Variants in RBFOX1 observed in about 807,000 individuals in gnomAD.
RBFOX1 encodes RNA binding fox-1 homolog 1, also known as RNA binding protein fox-1 homolog 1.
A neutral mutation model predicts 57.7 loss-of-function variants in RBFOX1; 8 were observed. The observed-to-expected ratio is 0.14, with a 90% CI of 0.08 to 0.25. RBFOX1 has a LOEUF of 0.25. RBFOX1 is among the 10% of genes least tolerant of loss of function. The probability of loss-of-function intolerance (pLI) is 1.00; values close to 1 mark genes in which losing one functional copy is unlikely to be tolerated. For synonymous variants in RBFOX1, 326 were observed against 222.4 expected, an observed-to-expected ratio of 1.47 and a Z score of -4.15; for missense variants, 611 against 548.5, an observed-to-expected ratio of 1.11 and a Z score of -1.14.
chr16:6,736,111 A>G (rs1477258396), intron 3 of RBFOX1, among the ~76,000 whole-genome samples: 1 of 152,074 alleles, frequency 6.6e-6, no homozygotes, highest in Non-Finnish European at 1.5e-5. Flanking sequence ...CCATCCAAGG[A>G]GACATAAATA....
chr16:5,299,977 C>T (rs1026715527), intron 1 of RBFOX1, among the ~76,000 whole-genome samples: 1 of 150,532 alleles, frequency 6.6e-6, no homozygotes, highest in Non-Finnish European at 1.5e-5. Context: ...TTCCTAGTTT[C>T]CTGAGGGTTT....
chr16:5,792,328 T>C (rs990354434), intron 3 of RBFOX1, among the ~76,000 whole-genome samples: 3 of 152,146 alleles, frequency 2.0e-5, no homozygotes, highest in East Asian at 1.9e-4. Flanking sequence ...CAGCTACATA[T>C]ACAGTTGACT....
In RBFOX1 at chr16:7,474,243, C is replaced by T. The variant is rs562851443; in HGVS notation, c.28-43904C>T. Among the ~76,000 whole-genome samples the T allele has an allele frequency of 1.8e-4, 27 of 152,218 alleles. No individual in the cohort carries two copies. The South Asian group carries it at 4.4e-3, about 25-fold the overall frequency. ...CGGAAGTTGCAGTGAGCCGAGATCG[C>T]GCCATTGCACTCCAGCCTGGGTGAC... is the stretch of plus-strand genomic sequence containing the variant. On this transcript the variant is annotated intron_variant, in intron 4 of 15. Coordinates refer to ENST00000550418, the MANE Select transcript of RBFOX1 (RefSeq NM_018723.4).
chr16:6,806,907 C>T (rs1008419974), intron 3 of RBFOX1, among the ~76,000 whole-genome samples: 2 of 145,840 alleles, frequency 1.4e-5, no homozygotes, highest in African/African-American at 5.1e-5. Context: ...GATCTCAGCT[C>T]ACTGCAAACT....
intron 3 of RBFOX1, among the ~76,000 whole-genome samples, chr16:6,682,091 A>T (rs1464069066): frequency 1.3e-5 from 2 of 152,188 alleles, no homozygotes; most frequent in Non-Finnish European, 2.9e-5. Context: ...ACAAAATGTC[A>T]CGATTCTTTT....
chr16:7,236,740 G>T (rs763137973), intron 4 of RBFOX1, among the ~76,000 whole-genome samples: 1 of 151,922 alleles, frequency 6.6e-6, no homozygotes, highest in Non-Finnish European at 1.5e-5. Context: ...CCAGCCTTCA[G>T]TGGCCTGAAT....
At chr16:5,340,012 G>A (rs986867962) in intron 1 of RBFOX1, among the ~76,000 whole-genome samples, 3 of 152,152 alleles carry the variant, frequency 2.0e-5, no homozygotes, top group South Asian at 2.1e-4. Flanking sequence ...TAAGTGGTTC[G>A]TTCTCCCAGT....
intron 4 of RBFOX1, among the ~76,000 whole-genome samples, chr16:7,056,804 C>T (rs2052445936): frequency 6.6e-6 from 1 of 152,118 alleles, no homozygotes; most frequent in Non-Finnish European, 1.5e-5. Flanking sequence ...CTGCCAGATT[C>T]TGTTCTGTGG....
At chr16:6,956,152 A>G (rs917967617) in intron 3 of RBFOX1, among the ~76,000 whole-genome samples, 4 of 152,154 alleles carry the variant, frequency 2.6e-5, no homozygotes, top group African/African-American at 9.7e-5. Context: ...CAGATTGCTA[A>G]GTCTGGGAAA....
At chr16:7,510,497 G>A (rs2074749305) in intron 4 of RBFOX1, among the ~76,000 whole-genome samples, 1 of 151,022 alleles carries the variant, frequency 6.6e-6, no homozygotes, top group South Asian at 2.1e-4. Context: ...CTGTGTGTGT[G>A]TGTGTGTGTG....
intron 11 of RBFOX1, 106 bp from the exon 12 acceptor site, chr16:7,653,709 G>T: frequency 6.6e-7 from 1 of 1,511,224 alleles, no homozygotes; most frequent in Non-Finnish European, 8.9e-7. Context: ...CGGGGGTCCT[G>T]CTGGGACCCT....
chr16:5,816,564 G>T (rs1047042667), intron 3 of RBFOX1, among the ~76,000 whole-genome samples: 1 of 152,156 alleles, frequency 6.6e-6, no homozygotes, highest in Non-Finnish European at 1.5e-5. Flanking sequence ...TACTTTGGGA[G>T]GTTGAGCCCA....
At chr16:5,375,158 C>T (rs944246327) in intron 1 of RBFOX1, among the ~76,000 whole-genome samples, 8 of 150,606 alleles carry the variant, frequency 5.3e-5, no homozygotes, top group African/African-American at 1.7e-4. Flanking sequence ...AGAGTTAAAC[C>T]GATCTCTTCG....
chr16:5,416,407 G>C (rs976046768), intron 1 of RBFOX1, among the ~76,000 whole-genome samples: 9 of 152,134 alleles, frequency 5.9e-5, no homozygotes, highest in Admixed American at 5.2e-4. Flanking sequence ...CAGTGATCTA[G>C]TGGATCTAAG....
intron 2 of RBFOX1, among the ~76,000 whole-genome samples, chr16:6,526,444 G>T (rs535395065): frequency 3.2e-4 from 48 of 152,278 alleles, no homozygotes; most frequent in African/African-American, 9.1e-4. Context: ...CTACATTGCT[G>T]TAGAAGGCGG....
intron 5 of RBFOX1, among the ~76,000 whole-genome samples, chr16:7,528,013 A>G (rs111579744): frequency 2.6e-4 from 40 of 152,360 alleles, no homozygotes; most frequent in South Asian, 2.1e-4. Flanking sequence ...TTTTAGTACA[A>G]ACTATCAGTA....
At chr16:7,463,898 G>C (rs1307603127) in intron 4 of RBFOX1, among the ~76,000 whole-genome samples, 2 of 152,292 alleles carry the variant, frequency 1.3e-5, no homozygotes, top group African/African-American at 4.8e-5. Context: ...GCAAAGTAGA[G>C]ACTATTATTC....
At chr16:7,010,419 G>C (rs1247342797) in intron 3 of RBFOX1, among the ~76,000 whole-genome samples, 1 of 152,066 alleles carries the variant, frequency 6.6e-6, no homozygotes, top group African/African-American at 2.4e-5. Flanking sequence ...ATATGCATTG[G>C]CCAGTGAGAC....
intron 4 of RBFOX1, among the ~76,000 whole-genome samples, chr16:6,007,209 G>C (rs553585226): frequency 6.6e-6 from 1 of 152,176 alleles, no homozygotes; most frequent in African/African-American, 2.4e-5. Context: ...CTTCCCATAA[G>C]TGGAATAGGA....
Sources: allele counts gnomAD v4.1 joint callset (sites outside exome capture counted in the v4.1 genomes callset), GRCh38; gene constraint gnomAD v4.1.1; transcripts MANE v1.5; gene names NCBI Gene and HGNC (gene_info 2026-07-23, HGNC 2026-07-21).